The following EYS variants were observed in gnomAD, a reference collection of about 807,000 sequenced individuals.
EYS encodes the protein EGF-like photoreceptor maintenance factor.
In EYS, 250 loss-of-function variants were observed where a neutral mutation model predicts 282.1. That is an observed-to-expected ratio of 0.89 (90% CI 0.80 to 0.98). The LOEUF is 0.98. EYS is among the 50% of genes least tolerant of loss of function. The probability of loss-of-function intolerance (pLI) is 0.00; values close to 1 mark genes in which losing one functional copy is unlikely to be tolerated. For missense variants in EYS, 4,016 were observed against 3,709.0 expected, an observed-to-expected ratio of 1.08 and a Z score of -2.15; for synonymous variants, 1,355 against 1,282.9, an observed-to-expected ratio of 1.06 and a Z score of -1.20.
intron 7 of EYS, among the ~76,000 whole-genome samples, chr6:65,390,734 C>A (rs1340738713): frequency 6.6e-6 from 1 of 150,978 alleles, no homozygotes; most frequent in Non-Finnish European, 1.5e-5. Flanking sequence ...TTCTTTTTTT[C>A]AAAAAATTAG....
chr6:64,641,233 G>A (rs141140363), intron 22 of EYS, among the ~76,000 whole-genome samples: 222 of 152,276 alleles, frequency 1.5e-3, no homozygotes, highest in African/African-American at 5.1e-3. Context: ...ACAGATGGCA[G>A]CAGGCAAAGA....
At chr6:63,877,150 T>G (rs1270080355) in intron 35 of EYS, among the ~76,000 whole-genome samples, 2 of 152,212 alleles carry the variant, frequency 1.3e-5, no homozygotes, top group Non-Finnish European at 2.9e-5. Flanking sequence ...AGGAGCTCTT[T>G]TAGGGCAGGC....
intron 29 of EYS, among the ~76,000 whole-genome samples, chr6:64,324,331 T>C (rs377088811): frequency 8.5e-5 from 13 of 152,286 alleles, no homozygotes; most frequent in African/African-American, 2.6e-4. Context: ...GTTCAACATA[T>C]GCAAATCAAT....
chr6:65,436,926 G>A (rs12192936), intron 5 of EYS, among the ~76,000 whole-genome samples: 28,182 of 151,786 alleles, frequency 0.19, 3,267 homozygotes, highest in Middle Eastern at 0.3. Context: ...ACACAAAAAC[G>A]GAGTCAAGAA....
intron 12 of EYS, among the ~76,000 whole-genome samples, chr6:65,108,283 A>G (rs1033920257): frequency 7.0e-6 from 1 of 143,746 alleles, no homozygotes; most frequent in African/African-American, 2.6e-5. Context: ...TTTGAGGTTG[A>G]CTTTAAAAAA....
rs566445881 is a variant in EYS at position 64,660,662 on chromosome 6, T to C, written c.3444-34417A>G. 3.7e-3 allele frequency among the ~76,000 whole-genome samples: 561 copies of C among 152,212 alleles called. 8 individuals carry two copies. Among genetic ancestry groups the C allele is most frequent in the South Asian group, 0.019 (91 of 4,824 alleles). On this transcript the variant is annotated intron_variant, in intron 22 of 42. Coordinates refer to ENST00000503581, the MANE Select transcript of EYS (RefSeq NM_001142800.2). ...ATTGTTTCAAAGAGAATAAAATACC[T>C]AGGAATCCAATTTACAAGGGATGTG...
At chr6:64,922,204 A>G (rs1562260199) in intron 15 of EYS, among the ~76,000 whole-genome samples, 1 of 152,246 alleles carries the variant, frequency 6.6e-6, no homozygotes, top group South Asian at 2.1e-4. Context: ...GCATATGCAT[A>G]TATGTGTTCA....
intron 22 of EYS, among the ~76,000 whole-genome samples, chr6:64,764,003 A>T (rs1773244168): frequency 6.6e-6 from 1 of 152,298 alleles, no homozygotes; most frequent in East Asian, 1.9e-4. Context: ...TCTGCAGGGT[A>T]CAGCTCCTCC....
intron 31 of EYS, among the ~76,000 whole-genome samples, chr6:64,217,717 C>T (rs144286319): frequency 1.7e-3 from 264 of 152,134 alleles, no homozygotes; most frequent in African/African-American, 5.8e-3. Flanking sequence ...TGATAACTAC[C>T]TCCCCTTCTA....
intron 26 of EYS, among the ~76,000 whole-genome samples, chr6:64,452,680 A>T (rs1775401418): frequency 6.6e-6 from 1 of 152,200 alleles, no homozygotes; most frequent in Admixed American, 6.5e-5. Context: ...AATGGAACAG[A>T]ATAGAGCCCT....
rs116024718 is a variant in EYS at position 65,705,323 on chromosome 6, C to G, written c.-448+1812G>C. 3.0e-3 allele frequency among the ~76,000 whole-genome samples: 454 copies of G among 152,290 alleles called. 3 individuals are homozygous for G. Among genetic ancestry groups the G allele is most frequent in the African/African-American group, 0.01 (434 of 41,556 alleles). ...AAAATTTATTCATGGAGCAGCTAAG[C>G]ATAGCTTAACGTACTCAGGGCTTGT... On this transcript the variant is annotated intron_variant, in intron 1 of 42. Coordinates refer to ENST00000503581, the MANE Select transcript of EYS (RefSeq NM_001142800.2).
At chr6:65,465,186 A>C (rs572040605) in intron 5 of EYS, among the ~76,000 whole-genome samples, 48 of 152,136 alleles carry the variant, frequency 3.2e-4, no homozygotes, top group Non-Finnish European at 8.8e-5. Flanking sequence ...AGCAGAAACC[A>C]GTTGTGGTGC....
At chr6:64,468,788 G>T (rs1464466102) in intron 26 of EYS, among the ~76,000 whole-genome samples, 3 of 152,170 alleles carry the variant, frequency 2.0e-5, no homozygotes, top group Non-Finnish European at 2.9e-5. Context: ...AGTTTGCTTA[G>T]AATAATGGCT....
chr6:64,420,594 T>C (rs571982214), intron 28 of EYS, among the ~76,000 whole-genome samples: 70 of 152,318 alleles, frequency 4.6e-4, no homozygotes, highest in African/African-American at 1.6e-3. Context: ...TTTTGTGACT[T>C]TGGGCATCAA....
At chr6:65,514,326 G>A (rs1372359707) in intron 2 of EYS, among the ~76,000 whole-genome samples, 1 of 152,144 alleles carries the variant, frequency 6.6e-6, no homozygotes, top group African/African-American at 2.4e-5. Flanking sequence ...CATGTTTATG[G>A]GTAGGAAGAA....
chr6:65,439,467 C>T (rs1029853644), intron 5 of EYS, among the ~76,000 whole-genome samples: 14 of 152,026 alleles, frequency 9.2e-5, no homozygotes, highest in African/African-American at 2.9e-4. Context: ...GATATTGATT[C>T]GTCCTATCCA....
At chr6:64,309,078 T>TA (rs1769571878) in intron 29 of EYS, among the ~76,000 whole-genome samples, 1 of 152,162 alleles carries the variant, frequency 6.6e-6, no homozygotes, top group Admixed American at 6.5e-5. Context: ...AATGATCTTA[T>TA]AAAAATGCTT....
chr6:64,209,165 T>C (rs574708234), intron 31 of EYS, among the ~76,000 whole-genome samples: 2 of 152,202 alleles, frequency 1.3e-5, no homozygotes, highest in South Asian at 2.1e-4. Context: ...AGCCACTCCA[T>C]AAGGTGATAT....
chr6:65,275,318 T>C (rs971670275), intron 12 of EYS, among the ~76,000 whole-genome samples: 4 of 152,218 alleles, frequency 2.6e-5, no homozygotes, highest in Admixed American at 2.6e-4. Flanking sequence ...AATTCAACCA[T>C]GTGACCTGAG....
Sources: gnomAD v4.1 joint callset for allele counts (sites outside exome capture counted in the v4.1 genomes callset) on GRCh38, gnomAD v4.1.1 for gene constraint, MANE v1.5 for transcripts, NCBI Gene and HGNC (gene_info 2026-07-23, HGNC 2026-07-21) for gene names.